The following FBXL17 variants were observed in gnomAD, a reference collection of about 807,000 sequenced individuals.
The protein encoded by FBXL17 is F-box and leucine rich repeat protein 17, also known as F-box/LRR-repeat protein 17.
Under a neutral mutation model 66.2 loss-of-function variants are expected in FBXL17, and 22 were observed. That is an observed-to-expected ratio of 0.33 (90% CI 0.24 to 0.47). The LOEUF (loss-of-function observed/expected upper bound fraction) is 0.47. Among genes scored for constraint, FBXL17 ranks in the 20% least tolerant of loss-of-function variants. The pLI is 1.00. For missense variants in FBXL17, 878 were observed against 948.2 expected (o/e 0.93, Z 0.97); for synonymous variants, 474 against 400.5 (o/e 1.18, Z -2.19).
At chr5:108,362,475 TAG>T (rs2112557861) in intron 3 of FBXL17, among the ~76,000 whole-genome samples, 1 of 152,280 alleles carries the variant, frequency 6.6e-6, no homozygotes, top group Non-Finnish European at 1.5e-5. Flanking sequence ...TATTCTTAAA[TAG>T]ATTTTTCCTC....
At chr5:108,207,500 C>T (rs1402012309) in intron 5 of FBXL17, among the ~76,000 whole-genome samples, 2 of 152,054 alleles carry the variant, frequency 1.3e-5, no homozygotes, top group African/African-American at 2.4e-5. Context: ...CCCCAACAGG[C>T]CCCGGAGTGT....
chr5:108,321,316 C>CT (rs1759609426), intron 4 of FBXL17, among the ~76,000 whole-genome samples: 1 of 151,788 alleles, frequency 6.6e-6, no homozygotes, highest in African/African-American at 2.4e-5. Context: ...ATTCACAACT[C>CT]TAAAATATTT....
intron 7 of FBXL17, among the ~76,000 whole-genome samples, chr5:107,884,554 C>T (rs9784678): frequency 0.83 from 125,599 of 152,212 alleles, 52,000 homozygotes; most frequent in South Asian, 0.89. Context: ...CCTGAGGGAA[C>T]CTTTTGATTC....
intron 6 of FBXL17, among the ~76,000 whole-genome samples, chr5:108,119,703 CA>C (rs991957761): frequency 6.6e-5 from 10 of 152,190 alleles, no homozygotes; most frequent in Non-Finnish European, 1.3e-4. Context: ...ACATTTTGCA[CA>C]AGGTTCTATG....
chr5:108,016,242 G>A (rs1030799047), intron 7 of FBXL17, among the ~76,000 whole-genome samples: 26 of 152,052 alleles, frequency 1.7e-4, no homozygotes, highest in African/African-American at 4.8e-4. Context: ...GATCAGTACT[G>A]CGATCAAGAA....
At chr5:108,364,451 T>C (rs1249325731) in intron 3 of FBXL17, among the ~76,000 whole-genome samples, 1 of 151,924 alleles carries the variant, frequency 6.6e-6, no homozygotes, top group Non-Finnish European at 1.5e-5. Context: ...AACTACGCAG[T>C]TGCCCAAAGC....
At chr5:108,334,902 TG>T (rs1217682633) in intron 4 of FBXL17, among the ~76,000 whole-genome samples, 3 of 152,194 alleles carry the variant, frequency 2.0e-5, no homozygotes, top group Admixed American at 2.0e-4. Flanking sequence ...TAGTGGGTAC[TG>T]CCATTCACTG....
intron 4 of FBXL17, among the ~76,000 whole-genome samples, chr5:108,292,864 A>G (rs1014773881): frequency 3.9e-5 from 6 of 151,988 alleles, no homozygotes; most frequent in Admixed American, 2.6e-4. Flanking sequence ...CATTGGGAGG[A>G]CGAGGCGGGT....
intron 7 of FBXL17, among the ~76,000 whole-genome samples, chr5:107,937,327 G>C (rs1324516897): frequency 6.6e-6 from 1 of 152,130 alleles, no homozygotes; most frequent in East Asian, 1.9e-4. Flanking sequence ...AGCATTCTCT[G>C]AGGGTGGAAT....
At chr5:107,901,341 AT>A (rs1460486507) in intron 7 of FBXL17, among the ~76,000 whole-genome samples, 1 of 152,172 alleles carries the variant, frequency 6.6e-6, no homozygotes, top group Non-Finnish European at 1.5e-5. Context: ...AAGGTTTCTC[AT>A]TTTATTAATA....
intron 6 of FBXL17, among the ~76,000 whole-genome samples, chr5:108,076,362 G>C (rs561515316): frequency 2.3e-4 from 35 of 152,166 alleles, no homozygotes; most frequent in African/African-American, 7.7e-4. Context: ...TTATCCTACA[G>C]TTTGTATCTG....
chr5:108,177,911 GTATA>G (rs70996985), intron 6 of FBXL17, among the ~76,000 whole-genome samples: 3 of 115,238 alleles, frequency 2.6e-5, no homozygotes, highest in African/African-American at 3.0e-5. Context: ...AAAAAAAAAT[GTATA>G]TATATATATA....
intron 7 of FBXL17, among the ~76,000 whole-genome samples, chr5:107,907,971 T>G (rs2112542284): frequency 6.6e-6 from 1 of 152,338 alleles, no homozygotes; most frequent in Non-Finnish European, 1.5e-5. Context: ...CTATAAATCA[T>G]GCTGCTTTAA....
At chr5:108,200,453 G>C (rs1441085329) in intron 5 of FBXL17, among the ~76,000 whole-genome samples, 1 of 152,028 alleles carries the variant, frequency 6.6e-6, no homozygotes, top group South Asian at 2.1e-4. Context: ...CCAGAAACAG[G>C]AATGATTGCC....
intron 6 of FBXL17, among the ~76,000 whole-genome samples, chr5:108,169,013 C>G (rs969522503): frequency 6.6e-6 from 1 of 152,208 alleles, no homozygotes; most frequent in Non-Finnish European, 1.5e-5. Context: ...TAAACAGCTA[C>G]ATTTGTCACA....
intron 8 of FBXL17, among the ~76,000 whole-genome samples, chr5:107,867,249 G>T (rs756167781): frequency 1.3e-5 from 2 of 152,112 alleles, no homozygotes; most frequent in Non-Finnish European, 2.9e-5. Flanking sequence ...ACCTCTTTCT[G>T]GATACATCTT....
chr5:107,888,982 C>A (rs1749100216), intron 7 of FBXL17, among the ~76,000 whole-genome samples: 1 of 152,136 alleles, frequency 6.6e-6, no homozygotes, highest in African/African-American at 2.4e-5. Flanking sequence ...TCCAGTTTCC[C>A]TTGCATTCTT....
chr5:108,168,254 A>G (rs2150013570), intron 6 of FBXL17, among the ~76,000 whole-genome samples: 1 of 152,304 alleles, frequency 6.6e-6, no homozygotes, highest in East Asian at 1.9e-4. Flanking sequence ...AAAGTCAAAC[A>G]ACCCAGTTGA....
In FBXL17 at chr5:107,987,931, C is replaced by T. The variant is rs116596130; in HGVS notation, c.1822+32994G>A. Among the ~76,000 whole-genome samples the T allele has an allele frequency of 4.6e-3, 694 of 151,954 alleles. 3 individuals carry two copies. Among genetic ancestry groups the T allele is most frequent in the South Asian group, 9.1e-3 (44 of 4,810 alleles). ...ACTGAATTGATGCTGATAGCTGAGA[C>T]GATTATTTTGTAAATCAGTTAGATA... On this transcript the variant is annotated intron_variant, in intron 7 of 8. Coordinates refer to ENST00000542267, the MANE Select transcript of FBXL17 (RefSeq NM_001163315.3).
Sources: allele counts gnomAD v4.1 joint callset (sites outside exome capture counted in the v4.1 genomes callset), GRCh38; gene constraint gnomAD v4.1.1; transcripts MANE v1.5; gene names NCBI Gene and HGNC (gene_info 2026-07-23, HGNC 2026-07-21).